The following BMP15 variants were observed in gnomAD, a reference collection of about 807,000 sequenced individuals.
BMP15 encodes the protein bone morphogenetic protein 15.
BMP15 carries 5 observed loss-of-function variants against 4.4 expected under a neutral mutation model. That is an observed-to-expected ratio of 1.13 (90% CI 0.59 to 2.38). The LOEUF (loss-of-function observed/expected upper bound fraction) is 2.38. BMP15 is among the 30% of genes most tolerant of loss of function. The pLI, the probability that BMP15 is intolerant of heterozygous loss-of-function variation, is 0.01. For synonymous variants in BMP15, 125 were observed against 114.6 expected (o/e 1.09, Z -0.58); for missense variants, 339 against 309.8 (o/e 1.09, Z -0.71).
At chrX:50,915,470 C>T (rs1242246678) in intron 1 of BMP15, among the ~76,000 whole-genome samples, 2 of 111,014 alleles carry the variant, frequency 1.8e-5, no homozygotes, top group East Asian at 2.8e-4. Context: ...CTTAACTCTA[C>T]CACATACCAG....
chrX:50,916,003 A>G lies in BMP15; in HGVS notation c.575A>G (p.Gln192Arg). 8.3e-7 allele frequency: 1 copy of G among 1,211,894 alleles called. No homozygotes were observed. Among genetic ancestry groups the G allele is most frequent in the Non-Finnish European group, 1.1e-6 (1 of 895,570 alleles). Residue 192 changes from glutamine to arginine, a missense_variant, in exon 2 of 2, where the codon CAA (glutamine) becomes CGA (arginine). Physicochemically the swap from Gln to Arg is conservative, Grantham distance 43. Transcript: ENST00000252677. The part of the protein sequence containing the change: ...KEMDITQLVQ[Q>R]RFWNNKGHRI... ...ATGGATATCACACAACTTGTTCAGC[A>G]AAGGTTCTGGAATAACAAGGGACAC...
chrX:50,913,459 A>T (rs1158201931), intron 1 of BMP15, among the ~76,000 whole-genome samples: 1 of 110,939 alleles, frequency 9.0e-6, no homozygotes, highest in Admixed American at 9.6e-5. Flanking sequence ...GCCCTGTCTC[A>T]AGGAAAAAAA....
At chrX:50,915,146 G>C (rs1923099810) in intron 1 of BMP15, among the ~76,000 whole-genome samples, 1 of 111,266 alleles carries the variant, frequency 9.0e-6, no homozygotes, top group Admixed American at 9.5e-5. Flanking sequence ...GAGGATGATA[G>C]ACAAAATTAT....
chrX:50,911,698 C>T (rs892129899), intron 1 of BMP15, among the ~76,000 whole-genome samples: 4 of 111,556 alleles, frequency 3.6e-5, no homozygotes, highest in Admixed American at 9.5e-5. Flanking sequence ...GATAGTGGGT[C>T]GCAGAGATGG....
At chrX:50,914,960 CTG>C (rs1166430674) in intron 1 of BMP15, among the ~76,000 whole-genome samples, 1 of 111,470 alleles carries the variant, frequency 9.0e-6, no homozygotes, top group East Asian at 2.8e-4. Flanking sequence ...GTGATCAAGA[CTG>C]TGTTGAAAAT....
Position 50,915,748 on chromosome X carries a change from C to A in BMP15, c.329-9C>A. The A allele has an allele frequency of 8.3e-7, 1 of 1,209,608 alleles. No individual in the cohort carries two copies. Among genetic ancestry groups the A allele is most frequent in the Non-Finnish European group, 1.1e-6 (1 of 895,063 alleles). ...AAACCTCTGCTCTTGTTCCCTCTTA[C>A]TTCTGCAGGTACCTGGCATATACAG... On this transcript the variant is annotated splice_polypyrimidine_tract_variant and intron_variant, in intron 1 of 1. Coordinates refer to ENST00000252677, the MANE Select transcript of BMP15 (RefSeq NM_005448.2).
At chrX:50,914,145 T>A (rs1392816207) in intron 1 of BMP15, among the ~76,000 whole-genome samples, 3 of 111,704 alleles carry the variant, frequency 2.7e-5, no homozygotes, top group African/African-American at 9.7e-5. Context: ...TAATTTTTTG[T>A]ATTTTTAGTA....
At position 50,915,822 on chromosome X, in the gene BMP15, A is replaced by G. The variant is rs781858497; in HGVS notation, c.394A>G (p.Arg132Gly). The change falls in exon 2 of 2, where the codon AGA becomes GGA. Residue 132 changes from arginine (R) to glycine (G), a missense_variant. Physicochemically the swap from Arg to Gly is moderately radical, Grantham distance 125. Transcript: ENST00000252677. Reference sequence around the variant, plus strand: ...AAACCGAGGACTATACCAACTAGTTAGAGCCACTGTGGTTTACCGCCATCA... The same window carrying G: ...AAACCGAGGACTATACCAACTAGTTGGAGCCACTGTGGTTTACCGCCATCA... ...RPNRGLYQLV[R>G]ATVVYRHHLQ... 4.1e-6 allele frequency: 5 copies of G among 1,211,565 alleles called. No homozygotes were observed. In the South Asian group the frequency reaches 8.8e-5, roughly 21 times the overall value.
chrX:50,913,813 A>G (rs906702832), intron 1 of BMP15, among the ~76,000 whole-genome samples: 1 of 111,031 alleles, frequency 9.0e-6, no homozygotes, highest in Admixed American at 9.6e-5. Flanking sequence ...GCCAGGGTGG[A>G]GCAGGTTTAA....
At chrX:50,915,598 G>A (rs1472669294) in intron 1 of BMP15, among the ~76,000 whole-genome samples, 159 bp from the exon 2 acceptor site, 1 of 111,865 alleles carries the variant, frequency 8.9e-6, no homozygotes, top group African/African-American at 3.2e-5. Context: ...AAAGCATCTA[G>A]TGTATTAGTA....
chrX:50,914,807 G>C (rs782442165), intron 1 of BMP15, among the ~76,000 whole-genome samples: 6 of 111,501 alleles, frequency 5.4e-5, no homozygotes, highest in Non-Finnish European at 7.5e-5. Context: ...TCGCCGGGAG[G>C]GGGTGCAGAA....
chrX:50,913,462 GA>G (rs1470592913), intron 1 of BMP15, among the ~76,000 whole-genome samples: 1 of 109,682 alleles, frequency 9.1e-6, no homozygotes, highest in Non-Finnish European at 1.9e-5. Context: ...CTGTCTCAAG[GA>G]AAAAAAACAA....
Position 50,916,140 on chromosome X carries a change from G to T in BMP15, c.712G>T (p.Asp238Tyr). The T allele has an allele frequency of 8.3e-7, 1 of 1,211,647 alleles. No homozygotes were observed. The highest frequency in any genetic ancestry group is 1.1e-6 in the Non-Finnish European group (1 of 895,542). Residue 238 changes from aspartate to tyrosine, a missense_variant, in exon 2 of 2, where the codon GAT becomes TAT. Coordinates refer to ENST00000252677, the MANE Select transcript of BMP15 (RefSeq NM_005448.2). ...TGCCTTCTTGTTACTCTATTTCAAT[G>T]ATACTCATAAAAGCATTCGGAAGGC... is the stretch of plus-strand genomic sequence containing the variant. ...DIAFLLLYFN[D>Y]THKSIRKAKF...
In BMP15 at chrX:50,910,932, AAG is replaced by A. The variant is rs1308688249; in HGVS notation, c.151_152del (p.Glu51IlefsTer28). ...TTGCCCCTGATTGAGGAGCTGCTAGAAGAATCCCCTGGCGAACAGCCAAGGAA... is the reference window on the plus strand; with the variant it reads ...TTGCCCCTGATTGAGGAGCTGCTAGAAATCCCCTGGCGAACAGCCAAGGAA... On this transcript the variant is annotated frameshift_variant, in exon 1 of 2. Coordinates refer to ENST00000252677, the MANE Select transcript of BMP15 (RefSeq NM_005448.2). LOFTEE classifies it high-confidence loss of function. 12 of 1,195,906 alleles carry A rather than the reference AAG, an allele frequency of 1.0e-5. No homozygotes were observed. The highest frequency in any genetic ancestry group is 1.2e-5 in the Non-Finnish European group (11 of 887,577).
chrX:50,915,726 CCT>C (rs1557280265), intron 1 of BMP15, 29 bp from the exon 2 acceptor site: 2 of 1,210,355 alleles, frequency 1.7e-6, no homozygotes, highest in Non-Finnish European at 2.2e-6. Context: ...AGAAGCTAAA[CCT>C]CTGCTCTTGT....
intron 1 of BMP15, among the ~76,000 whole-genome samples, chrX:50,911,659 GA>G (rs1923018805): frequency 8.9e-6 from 1 of 111,834 alleles, no homozygotes; most frequent in South Asian, 3.8e-4. Context: ...AAGGCACGGA[GA>G]GGTTAAGTAA....
chrX:50,912,428 G>A (rs1923032465), intron 1 of BMP15, among the ~76,000 whole-genome samples: 1 of 111,887 alleles, frequency 8.9e-6, no homozygotes, highest in African/African-American at 3.3e-5. Context: ...TAGTGGAATG[G>A]ATAGATAATT....
At chrX:50,912,743 C>A (rs989290483) in intron 1 of BMP15, among the ~76,000 whole-genome samples, 1 of 111,869 alleles carries the variant, frequency 8.9e-6, no homozygotes, top group Non-Finnish European at 1.9e-5. Flanking sequence ...ATAGGTAAAA[C>A]CCCTACTTTC....
At position 50,916,089 on chromosome X, in the gene BMP15, T is replaced by C. The variant is rs375284458; in HGVS notation, c.661T>C (p.Trp221Arg). 232 of 1,210,387 alleles carry C rather than the reference T, an allele frequency of 1.9e-4. 2 individuals carry two copies. The South Asian group carries it at 3.8e-3, about 20-fold the overall frequency. The change falls in exon 2 of 2, where the codon TGG becomes CGG. Residue 221 changes from tryptophan to arginine, a missense_variant. Coordinates refer to ENST00000252677, the MANE Select transcript of BMP15 (RefSeq NM_005448.2). ...AAAAGATAGTGGTGGTCTTGAGCTCTGGCATGGCACTTCATCCTTGGACAT... is the reference window on the plus strand; with the variant it reads ...AAAAGATAGTGGTGGTCTTGAGCTCCGGCATGGCACTTCATCCTTGGACAT... ...QQKDSGGLEL[W>R]HGTSSLDIAF... is the part of the protein sequence containing the mutation.
Sources: gnomAD v4.1 joint callset for allele counts (sites outside exome capture counted in the v4.1 genomes callset) on GRCh38, gnomAD v4.1.1 for gene constraint, MANE v1.5 for transcripts, NCBI Gene and HGNC (gene_info 2026-07-23, HGNC 2026-07-21) for gene names.